AHDC1: variants seen among roughly 807,000 people sequenced by gnomAD.
AHDC1 encodes AT-hook DNA binding motif containing 1, also known as transcription factor Gibbin.
In AHDC1, 7 loss-of-function variants were observed where a neutral mutation model predicts 87.9. The ratio of observed to expected loss-of-function variants is 0.08; its 90% CI spans 0.05 to 0.15. The LOEUF is 0.15. AHDC1 is among the 10% of genes least tolerant of loss of function. The probability of loss-of-function intolerance (pLI) is 1.00; values close to 1 mark genes in which losing one functional copy is unlikely to be tolerated. For synonymous variants in AHDC1, 1,051 were observed against 1,006.8 expected, an observed-to-expected ratio of 1.04 and a Z score of -0.83; for missense variants, 1,841 against 2,253.2, an observed-to-expected ratio of 0.82 and a Z score of 3.70.
At chr1:27,574,194 T>C (rs1333445979) in intron 3 of AHDC1, among the ~76,000 whole-genome samples, 3 of 152,066 alleles carry the variant, frequency 2.0e-5, no homozygotes, top group Admixed American at 2.0e-4. Context: ...AGCCTGGAGC[T>C]CTCTGCCAGC....
rs2020135090 is a variant in AHDC1, at chr1:27,562,472, C to T, written c.-628-3589G>A. ...TCCCCAGGCCCTCAGGGACACAGCCCCCTGCCTCCCATGCAAACCCTGCCT... is the reference window on the plus strand; with the variant it reads ...TCCCCAGGCCCTCAGGGACACAGCCTCCTGCCTCCCATGCAAACCCTGCCT... On this transcript the variant is annotated intron_variant, in intron 3 of 8. Coordinates refer to ENST00000673934, the MANE Select transcript of AHDC1 (RefSeq NM_001371928.1). This position sits in a 1 kb window ranked among gnomAD's most constrained non-coding sequence, Gnocchi z 4.4. Among the ~76,000 whole-genome samples the T allele has an allele frequency of 6.6e-6, 1 of 152,152 alleles. No individual in the cohort carries two copies. The highest frequency in any genetic ancestry group is 1.5e-5 in the Non-Finnish European group (1 of 68,014).
chr1:27,576,150 A>T (rs1315767098), intron 3 of AHDC1, among the ~76,000 whole-genome samples: 1 of 152,206 alleles, frequency 6.6e-6, no homozygotes. Flanking sequence ...ACTGAGGCCT[A>T]ACTGGATAGC....
In AHDC1 at chr1:27,601,019, C is replaced by T. The variant is rs374851463; in HGVS notation, c.-629+2378G>A. 9.8e-5 allele frequency among the ~76,000 whole-genome samples: 15 copies of T among 152,316 alleles called. No individual in the cohort carries two copies. The East Asian group carries it at 2.9e-3, about 29-fold the overall frequency. ...GTAGGGGCTCCCTGCCCCCACGACC[C>T]TGTTCCAGACCCCCCAGCCCAGCAA... On this transcript the variant is annotated intron_variant, in intron 3 of 8. Transcript: ENST00000673934.
intron 5 of AHDC1, among the ~76,000 whole-genome samples, chr1:27,555,435 T>G (rs1417794964): frequency 2.0e-5 from 3 of 152,224 alleles, no homozygotes; most frequent in Admixed American, 2.0e-4. Context: ...TCCTTCTCTC[T>G]CTGCAGGCTC....
intron 7 of AHDC1, 184 bp from the exon 8 acceptor site, chr1:27,552,373 A>G: frequency 2.3e-6 from 1 of 436,994 alleles, no homozygotes; most frequent in Non-Finnish European, 3.8e-6. Context: ...CCATGTGTAT[A>G]GTGAGCCCCT....
rs1571260069 is a variant in AHDC1, at chr1:27,557,654, A to G, written c.-225+651T>C. On this transcript the variant is annotated intron_variant, in intron 5 of 8. Coordinates refer to ENST00000673934, the MANE Select transcript of AHDC1 (RefSeq NM_001371928.1). ...AGTGTACACACAGATCCCCGTGTGC[A>G]TACACCGTACCATCGCAGTGTATTC... is the stretch of plus-strand genomic sequence containing the variant. Among the ~76,000 whole-genome samples, 7 of 152,284 alleles carry G rather than the reference A, an allele frequency of 4.6e-5. No homozygotes were observed. The South Asian group carries it at 1.4e-3, about 32-fold the overall frequency.
chr1:27,548,861 G>A lies in AHDC1; in HGVS notation c.3255C>T (p.Ala1085=), dbSNP rs1169732965. The change falls in exon 8 of 9, where the codon GCC becomes GCT. Residue 1085 remains alanine, a synonymous_variant. Coordinates refer to ENST00000673934, the MANE Select transcript of AHDC1 (RefSeq NM_001371928.1). ...GCTGGAAGGAGGAGGAGGAGGAGGAGGCGGCAGAGGCTGCAGAGGTGGCAG... is the reference window on the plus strand; with the variant it reads ...GCTGGAAGGAGGAGGAGGAGGAGGAAGCGGCAGAGGCTGCAGAGGTGGCAG... ...TASATSAASA[A]SSSSSSFQPS... is the part of the protein sequence containing the mutation. The A allele has an allele frequency of 6.2e-7, 1 of 1,612,826 alleles. No individual in the cohort carries two copies. The highest frequency in any genetic ancestry group is 8.5e-7 in the Non-Finnish European group (1 of 1,179,834).
Position 27,565,585 on chromosome 1 carries a change from G to A in AHDC1, c.-628-6702C>T, listed in dbSNP as rs1234321409. ...CCCGGCGCTGGTGAGCAAGGGGCGG[G>A]AGTCACTCTAGTCTTTCCTTGTTCC... On this transcript the variant is annotated intron_variant, in intron 3 of 8. Coordinates refer to ENST00000673934, the MANE Select transcript of AHDC1 (RefSeq NM_001371928.1). The surrounding 1 kb of genome is among the most constrained non-coding windows in gnomAD (Gnocchi z 4.6). Among the ~76,000 whole-genome samples, 3 of 152,212 alleles carry A rather than the reference G, an allele frequency of 2.0e-5. No homozygotes were observed. Among genetic ancestry groups the A allele is most frequent in the Non-Finnish European group, 4.4e-5 (3 of 68,044 alleles).
chr1:27,560,963 C>CCTCT lies in AHDC1; in HGVS notation c.-628-2084_-628-2081dup, dbSNP rs373682300. ...CCTCTTCCCTCCCTCTCCCTCCCTT[C>CCTCT]CTCTCTCTCTCTCTCTGTAGGAGCC... On this transcript the variant is annotated intron_variant, in intron 3 of 8. Transcript: ENST00000673934. This position sits in a 1 kb window ranked among gnomAD's most constrained non-coding sequence, Gnocchi z 4.1. 6.7e-6 allele frequency among the ~76,000 whole-genome samples: 1 copy of CCTCT among 150,114 alleles called. No homozygotes were observed. The highest frequency in any genetic ancestry group is 2.1e-4 in the South Asian group (1 of 4,770).
At chr1:27,553,907 ATT>A (rs1308403720) in intron 5 of AHDC1, among the ~76,000 whole-genome samples, 1 of 152,038 alleles carries the variant, frequency 6.6e-6, no homozygotes, top group Non-Finnish European at 1.5e-5. Context: ...CCCTACAAAA[ATT>A]TAAAAATTAG....
intron 8 of AHDC1, among the ~76,000 whole-genome samples, chr1:27,536,853 C>T (rs1436897838): frequency 1.3e-5 from 2 of 151,690 alleles, no homozygotes; most frequent in Non-Finnish European, 2.9e-5. Context: ...CAAATCCCTG[C>T]ACCCCCACCC....
rs1265320108 is a variant in AHDC1 at position 27,562,323 on chromosome 1, C to T, written c.-628-3440G>A. On this transcript the variant is annotated intron_variant, in intron 3 of 8. Coordinates refer to ENST00000673934, the MANE Select transcript of AHDC1 (RefSeq NM_001371928.1). The surrounding 1 kb of genome is among the most constrained non-coding windows in gnomAD (Gnocchi z 4.4). Reference sequence around the variant, plus strand: ...GCGGTTCAGAAATCCAATATCCTCCCCGGTGCACTGATCGACTGACTACCT... The same window carrying T: ...GCGGTTCAGAAATCCAATATCCTCCTCGGTGCACTGATCGACTGACTACCT... 1.3e-5 allele frequency among the ~76,000 whole-genome samples: 2 copies of T among 152,130 alleles called. No individual in the cohort carries two copies. The highest frequency in any genetic ancestry group is 4.8e-5 in the African/African-American group (2 of 41,418).
chr1:27,550,457 G>T lies in AHDC1; in HGVS notation c.1659C>A (p.Asn553Lys). The T allele has an allele frequency of 6.2e-7, 1 of 1,607,260 alleles. No individual in the cohort carries two copies. The highest frequency in any genetic ancestry group is 8.5e-7 in the Non-Finnish European group (1 of 1,174,950). The change falls in exon 8 of 9, where the codon AAC (asparagine) becomes AAA (lysine). Residue 553 changes from asparagine (N) to lysine (K), a missense_variant. Physicochemically the swap from Asn to Lys is moderately conservative, Grantham distance 94. Around this residue, in one of 13 missense-constraint regions of AHDC1, gnomAD observed 84 missense variants for 111.7 expected, o/e 0.75. Transcript: ENST00000673934. ...TGGGCTTGCCGGGACCCAGCAGCAGGTTCTTAGGAGGGCGGCCGCGCTTAC... is the reference window on the plus strand; with the variant it reads ...TGGGCTTGCCGGGACCCAGCAGCAGTTTCTTAGGAGGGCGGCCGCGCTTAC... ...LKRKRGRPPK[N>K]LLLGPGKPKE...
intron 5 of AHDC1, among the ~76,000 whole-genome samples, chr1:27,555,128 T>C (rs1160681393): frequency 6.6e-6 from 1 of 152,214 alleles, no homozygotes; most frequent in African/African-American, 2.4e-5. Context: ...ACCTTAAAAT[T>C]ATCTAACCCA....
At chr1:27,577,148 G>A (rs1193784363) in intron 3 of AHDC1, among the ~76,000 whole-genome samples, 1 of 152,192 alleles carries the variant, frequency 6.6e-6, no homozygotes, top group Non-Finnish European at 1.5e-5. Context: ...CAACGGATGG[G>A]GAAGCTTAGG....
rs1338427860 is a variant in AHDC1 at position 27,563,133 on chromosome 1, G to A, written c.-628-4250C>T. Reference sequence around the variant, plus strand: ...CCAAGACACACACACACGCACGCACGCATGCATGCACACACCCACACAAAG... The same window carrying A: ...CCAAGACACACACACACGCACGCACACATGCATGCACACACCCACACAAAG... On this transcript the variant is annotated intron_variant, in intron 3 of 8. Coordinates refer to ENST00000673934, the MANE Select transcript of AHDC1 (RefSeq NM_001371928.1). The surrounding 1 kb of genome is among the most constrained non-coding windows in gnomAD (Gnocchi z 6.1). 2.7e-5 allele frequency among the ~76,000 whole-genome samples: 4 copies of A among 148,226 alleles called. No individual in the cohort carries two copies. Among genetic ancestry groups the A allele is most frequent in the African/African-American group, 1.0e-4 (4 of 39,878 alleles).
At position 27,550,119 on chromosome 1, in the gene AHDC1, C is replaced by T. The variant is rs780624499; in HGVS notation, c.1997G>A (p.Arg666Gln). The T allele has an allele frequency of 1.2e-5, 19 of 1,610,238 alleles. No individual in the cohort carries two copies. The highest frequency in any genetic ancestry group is 1.7e-5 in the Admixed American group (1 of 60,002). The change falls in exon 8 of 9, where the codon CGG becomes CAG. Residue 666 changes from arginine (R) to glutamine (Q), a missense_variant. Physicochemically the swap from Arg to Gln is conservative, Grantham distance 43. This residue lies in a region of AHDC1 where 236 missense variants were observed against 257.9 expected (regional missense o/e 0.92). Coordinates refer to ENST00000673934, the MANE Select transcript of AHDC1 (RefSeq NM_001371928.1). ...ACCGCCTGCTTTGCCCCCACGCCGC[C>T]GGAAGCCCTGCACACGATGCAGGAA... ...SHFLHRVQGF[R>Q]RRGGKAGGFG...
At chr1:27,559,852 G>A (rs74063742) in intron 3 of AHDC1, among the ~76,000 whole-genome samples, 1,767 of 152,322 alleles carry the variant, frequency 0.012, 29 homozygotes, top group African/African-American at 0.041. Context: ...CAGGCCTCAC[G>A]GATTGCTTAT....
At chr1:27,557,606 G>A (rs1412894844) in intron 5 of AHDC1, among the ~76,000 whole-genome samples, 2 of 152,152 alleles carry the variant, frequency 1.3e-5, no homozygotes, top group Non-Finnish European at 2.9e-5. Context: ...TGTGCACCCA[G>A]AACCCTGAGC....
Sources: allele counts gnomAD v4.1 joint callset (sites outside exome capture counted in the v4.1 genomes callset), GRCh38; gene constraint gnomAD v4.1.1; regional missense constraint gnomAD v4.1.1; non-coding constraint Gnocchi (gnomAD v3.1); transcripts MANE v1.5; gene names NCBI Gene and HGNC (gene_info 2026-07-23, HGNC 2026-07-21).